Variants in MAD1L1 observed in about 807,000 individuals in gnomAD.
The protein encoded by MAD1L1 is mitotic arrest deficient 1 like 1.
A neutral mutation model predicts 96.9 loss-of-function variants in MAD1L1; 95 were observed. That is an observed-to-expected ratio of 0.98 (90% CI 0.83 to 1.16). The LOEUF is 1.16. Ranked by LOEUF, MAD1L1 falls within the 50% of genes most tolerant of loss-of-function variation. MAD1L1 has a pLI of 0.00. For missense variants in MAD1L1, 1,007 were observed against 954.4 expected, an observed-to-expected ratio of 1.06 and a Z score of -0.73; for synonymous variants, 473 against 396.6, an observed-to-expected ratio of 1.19 and a Z score of -2.29.
At chr7:1,868,989 A>C (rs1359776029) in intron 18 of MAD1L1, among the ~76,000 whole-genome samples, 1 of 151,744 alleles carries the variant, frequency 6.6e-6, no homozygotes, top group Non-Finnish European at 1.5e-5. Context: ...CGTGTGTAGG[A>C]CTCCCCCAAG....
chr7:2,057,436 C>T (rs1257867756), intron 12 of MAD1L1, among the ~76,000 whole-genome samples: 2 of 152,158 alleles, frequency 1.3e-5, no homozygotes, highest in Admixed American at 6.5e-5. Context: ...ACTGCTTGAA[C>T]CCGGGAGGCA....
intron 18 of MAD1L1, among the ~76,000 whole-genome samples, chr7:1,824,751 AT>A (rs372109332): frequency 3.3e-5 from 5 of 151,634 alleles, no homozygotes; most frequent in South Asian, 4.2e-4. Flanking sequence ...CGAAGGGGAG[AT>A]TTTTTTTTGT....
rs377627219 is a variant in MAD1L1 at position 1,898,230 on chromosome 7, G to A, written c.1968C>T (p.Ala656=). ...AGATGAGGCAGTCGCCTGGGTGCTCGGCGTACAGCGAGGTCAGCCGGTACT... is the reference window on the plus strand; with the variant it reads ...AGATGAGGCAGTCGCCTGGGTGCTCAGCGTACAGCGAGGTCAGCCGGTACT... ...ENQYRLTSLY[A]EHPGDCLIFK... Residue 656 remains alanine (A), a synonymous_variant, in exon 18 of 19, where the codon GCC becomes GCT. Coordinates refer to ENST00000265854, the MANE Select transcript of MAD1L1 (RefSeq NM_001013836.2). 30 of 1,613,222 alleles carry A rather than the reference G, an allele frequency of 1.9e-5. No homozygotes were observed. The highest frequency in any genetic ancestry group is 4.4e-5 in the South Asian group (4 of 90,908).
intron 11 of MAD1L1, among the ~76,000 whole-genome samples, chr7:2,129,369 G>A (rs920520036): frequency 1.2e-4 from 19 of 152,210 alleles, no homozygotes; most frequent in African/African-American, 4.3e-4. Context: ...CTGTCTCCGC[G>A]GGACTGTGAA....
rs536942317 is a variant in MAD1L1, at chr7:2,080,107, G to A, written c.1074-10769C>T. 3.0e-4 allele frequency: 59 copies of A among 194,862 alleles called. 1 individual carries two copies. In the South Asian group the frequency reaches 4.8e-3, roughly 16 times the overall value. 12.1% of individuals were successfully genotyped at this position (194,862 alleles called of 1,614,324 possible). On this transcript the variant is annotated intron_variant, in intron 11 of 18. Coordinates refer to ENST00000265854, the MANE Select transcript of MAD1L1 (RefSeq NM_001013836.2). ...GCCAACAGGCAGGCAGCAGGCGGGT[G>A]GGCCAGCCTCGAGGCTGGGGGCTTT...
intron 18 of MAD1L1, among the ~76,000 whole-genome samples, chr7:1,883,603 A>G (rs1324183881): frequency 1.3e-5 from 2 of 152,166 alleles, no homozygotes; most frequent in Admixed American, 6.5e-5. Flanking sequence ...TCATGTCTCC[A>G]ACCTCCTCAG....
At chr7:1,964,351 C>T (rs981526171) in intron 15 of MAD1L1, among the ~76,000 whole-genome samples, 9 of 152,302 alleles carry the variant, frequency 5.9e-5, no homozygotes, top group South Asian at 2.1e-4. Flanking sequence ...TGAGCGCACG[C>T]GTGTAGCTGC....
chr7:1,916,534 G>C (rs1358062665), intron 17 of MAD1L1, among the ~76,000 whole-genome samples: 1 of 152,130 alleles, frequency 6.6e-6, no homozygotes, highest in Non-Finnish European at 1.5e-5. Flanking sequence ...GGCATGGCGG[G>C]GGAGGCGGGG....
chr7:2,181,268 C>T (rs980132106), intron 10 of MAD1L1, among the ~76,000 whole-genome samples: 27 of 152,374 alleles, frequency 1.8e-4, no homozygotes, highest in African/African-American at 6.0e-4. Context: ...ATTCTCTGCC[C>T]TTGCCAGGGC....
At chr7:2,176,580 TAA>T in intron 10 of MAD1L1, among the ~76,000 whole-genome samples, 1 of 148,850 alleles carries the variant, frequency 6.7e-6, no homozygotes, top group Admixed American at 6.7e-5. Context: ...TAAGGAATCT[TAA>T]AAAAAAAAAT....
At chr7:1,978,401 CCGGCTT>C (rs1048926353) in intron 15 of MAD1L1, among the ~76,000 whole-genome samples, 10 of 152,232 alleles carry the variant, frequency 6.6e-5, no homozygotes, top group Admixed American at 5.2e-4. Flanking sequence ...AAAGCCAACT[CCGGCTT>C]CGGAGGGGCT....
chr7:1,985,342 C>T (rs1781090498), intron 14 of MAD1L1, among the ~76,000 whole-genome samples: 1 of 152,244 alleles, frequency 6.6e-6, no homozygotes, highest in Non-Finnish European at 1.5e-5. Context: ...CCACAGGCTC[C>T]GCTGGTTCTC....
chr7:1,994,353 C>T (rs1377011584), intron 14 of MAD1L1, among the ~76,000 whole-genome samples: 1 of 152,202 alleles, frequency 6.6e-6, no homozygotes, highest in Admixed American at 6.5e-5. Flanking sequence ...CCCAGGGGGC[C>T]TGAGGCTCCG....
Position 1,972,206 on chromosome 7 carries a change from C to T in MAD1L1, c.1505+8247G>A, listed in dbSNP as rs373741737. Among the ~76,000 whole-genome samples, 19 of 152,310 alleles carry T rather than the reference C, an allele frequency of 1.2e-4. 1 individual carries two copies. The highest frequency in any genetic ancestry group is 3.6e-4 in the African/African-American group (15 of 41,556). On this transcript the variant is annotated intron_variant, in intron 15 of 18. Coordinates refer to ENST00000265854, the MANE Select transcript of MAD1L1 (RefSeq NM_001013836.2). ...TGTCCTGACACCGGAAGGCTCGCCC[C>T]GCTGTCCTTTTGTACACACATGCAC... is the stretch of plus-strand genomic sequence containing the variant.
chr7:2,167,362 A>C (rs1474741184), intron 10 of MAD1L1, among the ~76,000 whole-genome samples: 1 of 151,618 alleles, frequency 6.6e-6, no homozygotes, highest in Non-Finnish European at 1.5e-5. Context: ...CCTGGCTAAC[A>C]CGGTGAAACC....
At chr7:1,820,317 T>C (rs1248510976) in intron 18 of MAD1L1, among the ~76,000 whole-genome samples, 1 of 152,140 alleles carries the variant, frequency 6.6e-6, no homozygotes, top group Admixed American at 6.5e-5. Context: ...TCAATGCCTG[T>C]ATCAGGAAAG....
chr7:1,847,499 G>A (rs1306781649), intron 18 of MAD1L1: 1 of 471,164 alleles, frequency 2.1e-6, no homozygotes, highest in Non-Finnish European at 4.4e-6. Flanking sequence ...GGCCACTGCA[G>A]GGGAAGCTCA....
chr7:2,085,484 G>T (rs1289518452), intron 11 of MAD1L1, among the ~76,000 whole-genome samples: 1 of 152,220 alleles, frequency 6.6e-6, no homozygotes, highest in Admixed American at 6.5e-5. Flanking sequence ...TCTGCCCACA[G>T]TGAGCACATG....
At chr7:1,901,226 T>C (rs1787223622) in intron 17 of MAD1L1, among the ~76,000 whole-genome samples, 1 of 152,194 alleles carries the variant, frequency 6.6e-6, no homozygotes, top group African/African-American at 2.4e-5. Context: ...GTGGCTTACA[T>C]CAACGTGAAT....
Sources: gnomAD v4.1 joint callset for allele counts (sites outside exome capture counted in the v4.1 genomes callset) on GRCh38, gnomAD v4.1.1 for gene constraint, MANE v1.5 for transcripts, NCBI Gene and HGNC (gene_info 2026-07-23, HGNC 2026-07-21) for gene names.